Variants in ASTN2 observed in about 807,000 individuals in gnomAD.
ASTN2 encodes the protein astrotactin-2.
A neutral mutation model predicts 139.8 loss-of-function variants in ASTN2; 54 were observed. The observed-to-expected ratio is 0.39, with a 90% CI of 0.31 to 0.48. ASTN2 has a LOEUF of 0.48. Ranked by LOEUF, ASTN2 falls within the 20% of genes least tolerant of loss-of-function variation. The pLI is 0.95. For synonymous variants in ASTN2, 756 were observed against 719.5 expected, an observed-to-expected ratio of 1.05 and a Z score of -0.81; for missense variants, 1,565 against 1,725.1, an observed-to-expected ratio of 0.91 and a Z score of 1.64.
At chr9:116,622,820 C>T (rs745896697) in intron 17 of ASTN2, among the ~76,000 whole-genome samples, 2 of 152,214 alleles carry the variant, frequency 1.3e-5, no homozygotes, top group Non-Finnish European at 2.9e-5. Context: ...ACAGTAAGAG[C>T]ACTGTTCCTC....
In ASTN2 at chr9:116,424,998, T is replaced by C. The variant is rs996550804; in HGVS notation, c.*853A>G. ...TTCAGGAGCCCTCCAGTGTGTCTCA[T>C]GCTCTAACAGTGAGTGCAAAGAACC... On this transcript the variant is annotated 3_prime_UTR_variant, in exon 23 of 23. Coordinates refer to ENST00000313400, the MANE Select transcript of ASTN2 (RefSeq NM_001365068.1). 6.6e-6 allele frequency among the ~76,000 whole-genome samples: 1 copy of C among 152,138 alleles called. No homozygotes were observed. Among genetic ancestry groups the C allele is most frequent in the Non-Finnish European group, 1.5e-5 (1 of 68,012 alleles).
chr9:116,786,138 C>T (rs1830370115), intron 13 of ASTN2, among the ~76,000 whole-genome samples: 1 of 152,182 alleles, frequency 6.6e-6, no homozygotes, highest in African/African-American at 2.4e-5. Context: ...GGTGTGCCTT[C>T]TACCTGGAAG....
At chr9:117,236,868 T>A (rs1564496707) in intron 2 of ASTN2, among the ~76,000 whole-genome samples, 1 of 152,190 alleles carries the variant, frequency 6.6e-6, no homozygotes, top group Non-Finnish European at 1.5e-5. Context: ...GTCTAACACC[T>A]AGTAAATGCT....
At chr9:116,482,066 C>A (rs992965724) in intron 20 of ASTN2, among the ~76,000 whole-genome samples, 1 of 152,202 alleles carries the variant, frequency 6.6e-6, no homozygotes, top group African/African-American at 2.4e-5. Flanking sequence ...GTGGCTCACG[C>A]CTGTAATCCC....
At chr9:116,678,406 A>G (rs1859635297) in intron 16 of ASTN2, among the ~76,000 whole-genome samples, 4 of 152,248 alleles carry the variant, frequency 2.6e-5, no homozygotes, top group Non-Finnish European at 4.4e-5. Context: ...AAAGTTGCTA[A>G]GAGTTAACAT....
At chr9:117,150,495 C>T (rs1051122814) in intron 3 of ASTN2, among the ~76,000 whole-genome samples, 5 of 152,156 alleles carry the variant, frequency 3.3e-5, no homozygotes, top group African/African-American at 1.2e-4. Flanking sequence ...CACTTCATTA[C>T]CACCTTGATA....
chr9:116,818,046 G>A (rs1056480209), intron 12 of ASTN2, among the ~76,000 whole-genome samples: 1 of 24,706 alleles, frequency 4.0e-5, no homozygotes, highest in Admixed American at 6.9e-4. Context: ...GCCACTCTGT[G>A]CTTTTTTTAA....
chr9:116,469,698 G>C (rs1564298285), intron 20 of ASTN2, among the ~76,000 whole-genome samples: 1 of 152,160 alleles, frequency 6.6e-6, no homozygotes, highest in African/African-American at 2.4e-5. Flanking sequence ...ATTCACTTAT[G>C]TATACAATAC....
chr9:116,996,806 A>G (rs1387461916), intron 7 of ASTN2, among the ~76,000 whole-genome samples: 1 of 152,102 alleles, frequency 6.6e-6, no homozygotes, highest in Non-Finnish European at 1.5e-5. Context: ...TAATATATTT[A>G]TTGTAAGGTT....
intron 19 of ASTN2, among the ~76,000 whole-genome samples, chr9:116,534,847 G>A (rs1689332485): frequency 6.6e-6 from 1 of 152,152 alleles, no homozygotes; most frequent in South Asian, 2.1e-4. Context: ...GTTGACTTGG[G>A]GTGGAGAGTT....
chr9:116,467,329 C>A (rs755438362), intron 20 of ASTN2, among the ~76,000 whole-genome samples: 5 of 151,996 alleles, frequency 3.3e-5, no homozygotes, highest in East Asian at 1.9e-4. Context: ...TGCAGTGGTG[C>A]GATCTTGGCT....
chr9:117,273,619 C>T (rs1485977755), intron 2 of ASTN2, among the ~76,000 whole-genome samples: 1 of 152,200 alleles, frequency 6.6e-6, no homozygotes, highest in Non-Finnish European at 1.5e-5. Context: ...CACATGAGCA[C>T]ACAGAAGCAG....
intron 5 of ASTN2, among the ~76,000 whole-genome samples, chr9:117,069,479 T>C (rs1828048845): frequency 2.7e-5 from 2 of 73,942 alleles, no homozygotes; most frequent in African/African-American, 1.2e-4. Flanking sequence ...AAAAAATGTA[T>C]ATTCTGTTGA....
chr9:117,237,233 C>G (rs1357540159), intron 2 of ASTN2, among the ~76,000 whole-genome samples: 1 of 151,934 alleles, frequency 6.6e-6, no homozygotes, highest in Non-Finnish European at 1.5e-5. Flanking sequence ...CTAATAGTTT[C>G]TATTATTATC....
chr9:116,700,759 G>A (rs184974217), intron 16 of ASTN2: 2 of 167,028 alleles, frequency 1.2e-5, no homozygotes, highest in East Asian at 3.9e-4. Context: ...CATCTCTGGT[G>A]TTCATGTCTT....
At chr9:117,250,000 T>C (rs565912773) in intron 2 of ASTN2, among the ~76,000 whole-genome samples, 1 of 152,330 alleles carries the variant, frequency 6.6e-6, no homozygotes, top group Admixed American at 6.5e-5. Flanking sequence ...TGGAAGCACA[T>C]GTATCAGCTT....
At chr9:116,838,104 T>G (rs1321092078) in intron 11 of ASTN2, among the ~76,000 whole-genome samples, 1 of 137,636 alleles carries the variant, frequency 7.3e-6, no homozygotes, top group African/African-American at 2.7e-5. Context: ...TGGCTGTGTT[T>G]TTTTTTGTTT....
chr9:117,276,642 C>A (rs1834197254), intron 2 of ASTN2, among the ~76,000 whole-genome samples: 1 of 152,160 alleles, frequency 6.6e-6, no homozygotes, highest in South Asian at 2.1e-4. Flanking sequence ...AAGCCCGGAG[C>A]TGCTTGTGCT....
At chr9:116,608,554 A>AACATT (rs1172975573) in intron 19 of ASTN2, among the ~76,000 whole-genome samples, 1 of 152,164 alleles carries the variant, frequency 6.6e-6, no homozygotes, top group East Asian at 1.9e-4. Context: ...AGAGTTCAAA[A>AACATT]TGTTTTTGAA....
Sources: allele counts gnomAD v4.1 joint callset (sites outside exome capture counted in the v4.1 genomes callset), GRCh38; gene constraint gnomAD v4.1.1; transcripts MANE v1.5; gene names NCBI Gene and HGNC (gene_info 2026-07-23, HGNC 2026-07-21).